ESRRG: variants seen among roughly 807,000 people sequenced by gnomAD.
The protein encoded by ESRRG is estrogen related receptor gamma.
A neutral mutation model predicts 44.0 loss-of-function variants in ESRRG; 13 were observed. The ratio of observed to expected loss-of-function variants is 0.30; its 90% confidence interval spans 0.19 to 0.47. The LOEUF (loss-of-function observed/expected upper bound fraction) is 0.47, where lower values mean the gene tolerates loss of function less well. ESRRG is among the 20% of genes least tolerant of loss of function. The pLI is 1.00. For missense variants in ESRRG, 395 were observed against 580.6 expected (o/e 0.68, Z 3.29); for synonymous variants, 215 against 214.6 (o/e 1.00, Z -0.02).
chr1:217,041,521 T>C (rs778043018), intron 1 of ESRRG, among the ~76,000 whole-genome samples: 4 of 152,218 alleles, frequency 2.6e-5, no homozygotes, highest in Non-Finnish European at 5.9e-5. Context: ...ATCTAATTGA[T>C]GCCATGTATG....
chr1:216,931,721 G>A (rs766629651), intron 2 of ESRRG, among the ~76,000 whole-genome samples: 22 of 151,892 alleles, frequency 1.4e-4, no homozygotes, highest in African/African-American at 5.3e-4. Context: ...TCTATGAGCT[G>A]TGGGAAGCAG....
chr1:217,046,048 G>C (rs1470651364), intron 1 of ESRRG, among the ~76,000 whole-genome samples: 2 of 151,902 alleles, frequency 1.3e-5, no homozygotes, highest in Non-Finnish European at 2.9e-5. Flanking sequence ...GGCATTTCCA[G>C]TGCTAAAAAA....
chr1:216,802,778 C>G (rs957404593), intron 2 of ESRRG, among the ~76,000 whole-genome samples: 7 of 152,072 alleles, frequency 4.6e-5, no homozygotes, highest in African/African-American at 1.7e-4. Flanking sequence ...TGCTAAGCAC[C>G]AGGCTGGGAA....
In ESRRG at chr1:216,771,336, A is replaced by G. The variant is rs79327121; in HGVS notation, c.-13-93845T>C. On this transcript the variant is annotated intron_variant, in intron 2 of 7. Transcript: ENST00000359162. The stretch of plus-strand genomic sequence containing the variant: ...CTTATAACAGTATGTAAAAAATTCA[A>G]TTGGAAAATTAAAATTAGGCACATT... Among the ~76,000 whole-genome samples, 210 of 152,304 alleles carry G rather than the reference A, an allele frequency of 1.4e-3. 1 individual carries two copies. Among genetic ancestry groups the G allele is most frequent in the African/African-American group, 4.9e-3 (202 of 41,590 alleles).
chr1:217,110,971 T>G (rs770402262), intron 1 of ESRRG, among the ~76,000 whole-genome samples: 7 of 152,230 alleles, frequency 4.6e-5, no homozygotes, highest in Non-Finnish European at 1.0e-4. Context: ...TTTAATTTCG[T>G]ACTGGTCAGC....
At chr1:216,990,913 G>C (rs1229665705) in intron 1 of ESRRG, among the ~76,000 whole-genome samples, 1 of 151,966 alleles carries the variant, frequency 6.6e-6, no homozygotes, top group Admixed American at 6.6e-5. Flanking sequence ...ATTTCCTGTG[G>C]TCCTATAAAG....
chr1:216,640,775 C>T (rs567466789), intron 3 of ESRRG, among the ~76,000 whole-genome samples: 1 of 152,218 alleles, frequency 6.6e-6, no homozygotes, highest in East Asian at 1.9e-4. Context: ...TACATTCAGG[C>T]ACAATGTCAT....
rs917563426 is a variant in ESRRG, at chr1:216,504,652, A to C, written c.*2287T>G. On this transcript the variant is annotated 3_prime_UTR_variant, in exon 7 of 7. Coordinates refer to ENST00000408911, the MANE Select transcript of ESRRG (RefSeq NM_001438.4). ...CAACAACACAGAGCGAGTTAATAAC[A>C]ACATCTGAGAGATGATTGAGTGAAA... 6.6e-6 allele frequency: 1 copy of C among 152,656 alleles called. No individual in the cohort carries two copies. Among genetic ancestry groups the C allele is most frequent in the Non-Finnish European group, 1.5e-5 (1 of 68,028 alleles). 9.5% of individuals were successfully genotyped at this position (152,656 alleles called of 1,614,324 possible).
In ESRRG at chr1:216,981,251, A is replaced by G. The variant is rs552263663; in HGVS notation, c.-105-41578T>C. Among the ~76,000 whole-genome samples the G allele has an allele frequency of 1.2e-3, 177 of 152,316 alleles. 1 individual carries two copies. Among genetic ancestry groups the G allele is most frequent in the African/African-American group, 3.9e-3 (164 of 41,582 alleles). On this transcript the variant is annotated intron_variant, in intron 1 of 7. Coordinates refer to the ESRRG transcript ENST00000359162. Reference sequence around the variant, plus strand: ...TATGTTGAAAGAATGAAAAACTATAATTTGTCTCTTCAACTAATTTGTCCT... The same window carrying G: ...TATGTTGAAAGAATGAAAAACTATAGTTTGTCTCTTCAACTAATTTGTCCT...
chr1:216,820,711 ATTAGCCACCCGTTC>A (rs1229822231), intron 2 of ESRRG, among the ~76,000 whole-genome samples: 5 of 152,236 alleles, frequency 3.3e-5, no homozygotes, highest in Non-Finnish European at 7.3e-5. Context: ...TTGCTTTGCA[ATTAGCCACCCGTTC>A]TTATTAGGGT....
At chr1:216,928,875 A>AT (rs1273379323) in intron 2 of ESRRG, among the ~76,000 whole-genome samples, 1 of 152,196 alleles carries the variant, frequency 6.6e-6, no homozygotes, top group African/African-American at 2.4e-5. Context: ...ACATTGTATG[A>AT]TTTTACGTAT....
At chr1:216,920,383 A>AGTGTGTGT (rs10534433) in intron 2 of ESRRG, among the ~76,000 whole-genome samples, 15 of 124,116 alleles carry the variant, frequency 1.2e-4, no homozygotes, top group African/African-American at 2.6e-4. Context: ...AATGTATGGG[A>AGTGTGTGT]GTGTGTGTGT....
At chr1:216,764,697 T>G (rs949804805) in intron 2 of ESRRG, among the ~76,000 whole-genome samples, 1 of 152,244 alleles carries the variant, frequency 6.6e-6, no homozygotes, top group East Asian at 1.9e-4. Context: ...AATTTGATAT[T>G]TTCTACTAGA....
chr1:216,528,946 C>T (rs961461631), intron 5 of ESRRG, among the ~76,000 whole-genome samples: 1 of 152,048 alleles, frequency 6.6e-6, no homozygotes, highest in African/African-American at 2.4e-5. Context: ...AGGGCCCTTC[C>T]TATGATAAAG....
intron 3 of ESRRG, among the ~76,000 whole-genome samples, chr1:216,617,733 C>A (rs2061612819): frequency 6.6e-6 from 1 of 152,216 alleles, no homozygotes; most frequent in South Asian, 2.1e-4. Context: ...TTTAAGTAAC[C>A]CACATATATG....
At chr1:216,946,711 C>T (rs901185614) in intron 1 of ESRRG, among the ~76,000 whole-genome samples, 7 of 151,828 alleles carry the variant, frequency 4.6e-5, no homozygotes, top group Non-Finnish European at 1.0e-4. Context: ...TCCTTTCTTC[C>T]TTTTTTCTTT....
At chr1:216,963,180 G>C (rs1201970531) in intron 1 of ESRRG, among the ~76,000 whole-genome samples, 3 of 152,144 alleles carry the variant, frequency 2.0e-5, no homozygotes, top group Non-Finnish European at 1.5e-5. Flanking sequence ...TATTAAAACA[G>C]ATTATCCCTG....
At chr1:216,615,378 G>A (rs532266146) in intron 3 of ESRRG, among the ~76,000 whole-genome samples, 1 of 152,292 alleles carries the variant, frequency 6.6e-6, no homozygotes, top group South Asian at 2.1e-4. Flanking sequence ...CTACTACGGA[G>A]CTCATTCTGT....
At chr1:216,965,391 C>T (rs1363384171) in intron 1 of ESRRG, among the ~76,000 whole-genome samples, 2 of 152,150 alleles carry the variant, frequency 1.3e-5, no homozygotes, top group African/African-American at 4.8e-5. Context: ...TAATTACCAA[C>T]TTATTGAAGG....
Sources: allele counts gnomAD v4.1 joint callset (sites outside exome capture counted in the v4.1 genomes callset), GRCh38; gene constraint gnomAD v4.1.1; transcripts MANE v1.5; gene names NCBI Gene and HGNC (gene_info 2026-07-23, HGNC 2026-07-21).